KNL1: variants seen among roughly 807,000 people sequenced by gnomAD.
KNL1 encodes the protein kinetochore scaffold 1, also known as outer kinetochore KNL1 complex subunit KNL1.
KNL1 carries 66 observed loss-of-function variants against 201.3 expected under a neutral mutation model. That is an observed-to-expected ratio of 0.33 (90% confidence interval 0.27 to 0.40). KNL1 has a LOEUF of 0.40. Ranked by LOEUF, KNL1 falls within the 10% of genes least tolerant of loss-of-function variation. The probability of loss-of-function intolerance (pLI) is 1.00; values close to 1 mark genes in which losing one functional copy is unlikely to be tolerated. For missense variants in KNL1, 2,815 were observed against 2,690.5 expected, an observed-to-expected ratio of 1.05 and a Z score of -1.02; for synonymous variants, 895 against 899.2, an observed-to-expected ratio of 1.00 and a Z score of 0.08.
chr15:40,594,425 A>C (rs765965969), intron 1 of KNL1, 33 bp downstream of exon 1: 1 of 152,262 alleles, frequency 6.6e-6, no homozygotes, highest in Non-Finnish European at 1.5e-5. Flanking sequence ...TCTGGGCTTC[A>C]GGGAAGGCTT....
chr15:40,596,350 C>T (rs1337069334), intron 1 of KNL1, among the ~76,000 whole-genome samples: 1 of 152,184 alleles, frequency 6.6e-6, no homozygotes, highest in Non-Finnish European at 1.5e-5. Flanking sequence ...TATCTTGGCT[C>T]ACTGCAGCCT....
chr15:40,602,479 C>CGTTT (rs1566998543), intron 1 of KNL1, among the ~76,000 whole-genome samples: 144 of 104,226 alleles, frequency 1.4e-3, no homozygotes, highest in African/African-American at 4.9e-3. Context: ...TTTTTTCCTT[C>CGTTT]CTTTTTTTTT....
intron 8 of KNL1, among the ~76,000 whole-genome samples, chr15:40,618,681 CA>C (rs1047044275): frequency 6.6e-6 from 1 of 152,076 alleles, no homozygotes; most frequent in Non-Finnish European, 1.5e-5. Context: ...GTTCCCAACA[CA>C]AAAGATAAAT....
chr15:40,603,849 A>C (rs1891888625), intron 2 of KNL1, among the ~76,000 whole-genome samples: 1 of 152,196 alleles, frequency 6.6e-6, no homozygotes. Flanking sequence ...ATTTTTAATT[A>C]TATGCAAATT....
chr15:40,620,937 G>A lies in KNL1; in HGVS notation c.673G>A (p.Gly225Arg). 1 of 1,605,164 alleles carries A rather than the reference G, an allele frequency of 6.2e-7. No individual in the cohort carries two copies. The highest frequency in any genetic ancestry group is 2.2e-5 in the East Asian group (1 of 44,796). The change falls in exon 10 of 26, where the codon GGA (glycine) becomes AGA (arginine). Residue 225 changes from glycine (G) to arginine (R), a missense_variant. Coordinates refer to ENST00000399668, the MANE Select transcript of KNL1 (RefSeq NM_144508.5). ...TGACTTCATAAAAAGATTGAAAACAGGAAAATGTAGTGCTTTTCCTGATGT... is the reference window on the plus strand; with the variant it reads ...TGACTTCATAAAAAGATTGAAAACAAGAAAATGTAGTGCTTTTCCTGATGT... ...FNDFIKRLKT[G>R]KCSAFPDVPD...
chr15:40,623,121 G>A lies in KNL1; in HGVS notation c.2857G>A (p.Glu953Lys). 5.0e-6 allele frequency: 8 copies of A among 1,613,760 alleles called. No individual in the cohort carries two copies. Among genetic ancestry groups the A allele is most frequent in the Non-Finnish European group, 6.8e-6 (8 of 1,179,832 alleles). The stretch of plus-strand genomic sequence containing the variant: ...GTTTGTAGATAATCATGTTGAACTA[G>A]AAATGACAGAGTCCCATACTGTTTT... Reference protein sequence around the residue: ...VVFVDNHVELEMTESHTVFID... With the variant: ...VVFVDNHVELKMTESHTVFID... Residue 953 changes from glutamate to lysine, a missense_variant, in exon 10 of 26, where the codon GAA becomes AAA. By Grantham distance (56) the Glu-to-Lys change is moderately conservative. Coordinates refer to ENST00000399668, the MANE Select transcript of KNL1 (RefSeq NM_144508.5).
chr15:40,594,477 T>C (rs971290996), intron 1 of KNL1, 85 bp downstream of exon 1: 2 of 152,052 alleles, frequency 1.3e-5, no homozygotes, highest in African/African-American at 2.4e-5. Context: ...CGGTGGGAGG[T>C]AGGGTACGCT....
rs1223979657 is a variant in KNL1 at position 40,624,496 on chromosome 15, G to A, written c.4232G>A (p.Gly1411Glu). 1.2e-6 allele frequency: 2 copies of A among 1,613,534 alleles called. No individual in the cohort carries two copies. The highest frequency in any genetic ancestry group is 1.3e-5 in the African/African-American group (1 of 74,900). The change falls in exon 10 of 26, where the codon GGG (glycine) becomes GAG (glutamate). Residue 1411 changes from glycine (G) to glutamate (E), a missense_variant. Transcript: ENST00000399668. ...ACTTTAGTATATAGTCAAGATCTGG[G>A]GGAGATGACTAAACTTAATTCAAAG... ...NQTLVYSQDL[G>E]EMTKLNSKRV...
chr15:40,651,919 G>C, intron 20 of KNL1, 86 bp from the exon 21 acceptor site: 1 of 786,428 alleles, frequency 1.3e-6, no homozygotes, highest in Non-Finnish European at 2.1e-6. Context: ...AGCAGCTGCT[G>C]TTGGTACTGT....
At chr15:40,659,531 T>C (rs1000834045) in intron 25 of KNL1, 70 bp downstream of exon 25, 29 of 1,442,496 alleles carry the variant, frequency 2.0e-5, no homozygotes, top group Non-Finnish European at 2.4e-5. Context: ...CTGGCTCTGT[T>C]GCCCAGGCTG....
At chr15:40,648,292 C>T (rs946070628) in intron 17 of KNL1, among the ~76,000 whole-genome samples, 4 of 152,096 alleles carry the variant, frequency 2.6e-5, no homozygotes, top group African/African-American at 7.2e-5. Context: ...ATTAGCTCAG[C>T]GTGATGGCAC....
intron 17 of KNL1, 162 bp from the exon 18 acceptor site, chr15:40,650,139 A>G (rs2141757264): frequency 5.7e-6 from 3 of 526,230 alleles, no homozygotes; most frequent in Non-Finnish European, 6.7e-6. Context: ...AAAAAAAAAA[A>G]ATAGAAACCA....
Position 40,622,064 on chromosome 15 carries a change from A to C in KNL1, c.1800A>C (p.Glu600Asp), listed in dbSNP as rs768283173. 4 of 1,613,980 alleles carry C rather than the reference A, an allele frequency of 2.5e-6. No homozygotes were observed. The highest frequency in any genetic ancestry group is 1.6e-4 in the Middle Eastern group (1 of 6,062). ...AYNLAPESTS[E>D]SHSQSKSSSD... ...ATCTAGCACCGGAGAGTACCAGTGA[A>C]TCTCACTCTCAGAGCAAAAGCTCTT... Residue 600 changes from glutamate to aspartate, a missense_variant, in exon 10 of 26, where the codon GAA becomes GAC. By Grantham distance (45) the Glu-to-Asp change is conservative. Transcript: ENST00000399668.
chr15:40,622,920 C>G lies in KNL1; in HGVS notation c.2656C>G (p.Pro886Ala). 1 of 1,612,884 alleles carries G rather than the reference C, an allele frequency of 6.2e-7. No individual in the cohort carries two copies. Among genetic ancestry groups the G allele is most frequent in the Non-Finnish European group, 8.5e-7 (1 of 1,179,354 alleles). Reference protein sequence around the residue: ...KSYTIEINHRPLLEKRDCHLV... With the variant: ...KSYTIEINHRALLEKRDCHLV... ...TTATACAATAGAAATAAACCATAGA[C>G]CTTTATTAGAGAAACGTGATTGTCA... Residue 886 changes from proline (P) to alanine (A), a missense_variant, in exon 10 of 26, where the codon CCT (proline) becomes GCT (alanine). Physicochemically the swap from Pro to Ala is conservative, Grantham distance 27. Coordinates refer to ENST00000399668, the MANE Select transcript of KNL1 (RefSeq NM_144508.5).
intron 13 of KNL1, among the ~76,000 whole-genome samples, chr15:40,636,615 G>C (rs1299506941): frequency 1.3e-5 from 2 of 152,012 alleles, no homozygotes; most frequent in Non-Finnish European, 2.9e-5. Flanking sequence ...GATCACTTGA[G>C]GTCAGGAGTT....
intron 9 of KNL1, 136 bp from the exon 10 acceptor site, chr15:40,620,504 A>G (rs1226018542): frequency 3.7e-6 from 2 of 544,558 alleles, no homozygotes; most frequent in East Asian, 2.9e-5. Flanking sequence ...TATATGCAAC[A>G]TGCTACACCA....
intron 10 of KNL1, among the ~76,000 whole-genome samples, chr15:40,627,185 G>C (rs1304233896): frequency 2.6e-5 from 4 of 152,228 alleles, no homozygotes; most frequent in African/African-American, 9.6e-5. Flanking sequence ...GTGAGCCACA[G>C]CGCCCAGCCC....
In KNL1 at chr15:40,620,677, C is replaced by G; in HGVS notation, c.413C>G (p.Ala138Gly). 6.3e-7 allele frequency: 1 copy of G among 1,593,982 alleles called. No individual in the cohort carries two copies. Among genetic ancestry groups the G allele is most frequent in the Non-Finnish European group, 8.5e-7 (1 of 1,173,550 alleles). The change falls in exon 10 of 26, where the codon GCA becomes GGA. Residue 138 changes from alanine (A) to glycine (G), a missense_variant. Physicochemically the swap from Ala to Gly is moderately conservative, Grantham distance 60 (BLOSUM62 0). This residue lies in a region of KNL1 where 2,464 missense variants were observed against 2,291.7 expected (regional missense o/e 1.08). Transcript: ENST00000399668. The part of the protein sequence containing the change: ...IIEHTRERKH[A>G]NDQTVIFSDE... ...GAACATACCCGTGAAAGGAAACATG[C>G]AAATGACCAGACAGTCATTTTTTCA...
At chr15:40,608,756 A>G in intron 4 of KNL1, 91 bp from the exon 5 acceptor site, 1 of 930,102 alleles carries the variant, frequency 1.1e-6, no homozygotes, top group Non-Finnish European at 1.6e-6. Flanking sequence ...AAAAAAAAAA[A>G]AAAAAGGACT....
Sources: allele counts gnomAD v4.1 joint callset (sites outside exome capture counted in the v4.1 genomes callset), GRCh38; gene constraint gnomAD v4.1.1; regional missense constraint gnomAD v4.1.1; transcripts MANE v1.5; gene names NCBI Gene and HGNC (gene_info 2026-07-23, HGNC 2026-07-21).